REEP1: variants seen among roughly 807,000 people sequenced by gnomAD.
The protein encoded by REEP1 is receptor expression-enhancing protein 1.
REEP1 carries 22 observed loss-of-function variants against 40.3 expected under a neutral mutation model. That is an observed-to-expected ratio of 0.55 (90% CI 0.39 to 0.78). The LOEUF is 0.78. Among genes scored for constraint, REEP1 ranks in the 30% least tolerant of loss-of-function variants. The pLI, the probability that REEP1 is intolerant of heterozygous loss-of-function variation, is 0.00. For missense variants in REEP1, 280 were observed against 361.1 expected (o/e 0.78, Z 1.82); for synonymous variants, 116 against 139.2 (o/e 0.83, Z 1.17).
chr2:86,337,901 C>T (rs138818461), upstream of REEP1: 110 of 1,024,042 alleles, frequency 1.1e-4, 1 homozygote, highest in South Asian at 5.4e-4. The surrounding 1 kb of genome is among the most constrained non-coding windows in gnomAD (Gnocchi z 5.8). Context: ...GCTGCCCCAC[C>T]CTCAGCGTTC....
At chr2:86,332,228 G>A (rs1364214590) in intron 1 of REEP1, among the ~76,000 whole-genome samples, 1 of 151,930 alleles carries the variant, frequency 6.6e-6, no homozygotes, top group Non-Finnish European at 1.5e-5. Context: ...GCCCAGAATC[G>A]AGAGGAGAAC....
At chr2:86,293,961 G>A (rs565397086) in intron 1 of REEP1, among the ~76,000 whole-genome samples, 6 of 152,272 alleles carry the variant, frequency 3.9e-5, no homozygotes, top group South Asian at 2.1e-4. Context: ...GGAAGAAAAC[G>A]CTGACACTTG....
intron 7 of REEP1, among the ~76,000 whole-genome samples, chr2:86,224,679 C>T (rs975224743): frequency 6.6e-6 from 1 of 152,240 alleles, no homozygotes; most frequent in Non-Finnish European, 1.5e-5. Context: ...TCCAGCAACC[C>T]CCATCCCAGC....
intron 1 of REEP1, among the ~76,000 whole-genome samples, chr2:86,323,276 A>G (rs932647131): frequency 1.3e-5 from 2 of 152,258 alleles, no homozygotes; most frequent in African/African-American, 4.8e-5. Flanking sequence ...AATAAAAATG[A>G]CAACAGATTT....
chr2:86,284,759 C>G lies in REEP1; in HGVS notation c.33-2517G>C, dbSNP rs534132230. On this transcript the variant is annotated intron_variant, in intron 1 of 8. Transcript: ENST00000538924. The stretch of plus-strand genomic sequence containing the variant: ...ATGGGATCCCCGTGAACCCGTGGGT[C>G]GTGACACCCTCTGAATGGTCACAGA... 2.0e-5 allele frequency among the ~76,000 whole-genome samples: 3 copies of G among 152,066 alleles called. No homozygotes were observed. The East Asian group carries it at 5.8e-4, about 29-fold the overall frequency.
rs115408848 is a variant in REEP1, at chr2:86,331,912, A to G, written c.32+5567T>C. ...GCCTAACTCAGCTTCTTGCTCCTCA[A>G]GACAGTGTCCTAGGCAGCCTCACTT... On this transcript the variant is annotated intron_variant, in intron 1 of 8. Transcript: ENST00000538924. Among the ~76,000 whole-genome samples the G allele has an allele frequency of 8.1e-3, 1,234 of 152,210 alleles. 21 individuals carry two copies. Among genetic ancestry groups the G allele is most frequent in the African/African-American group, 0.029 (1,191 of 41,528 alleles).
At chr2:86,285,912 G>A (rs977379603) in intron 1 of REEP1, among the ~76,000 whole-genome samples, 2 of 152,200 alleles carry the variant, frequency 1.3e-5, no homozygotes, top group African/African-American at 4.8e-5. Context: ...GGCTCAAGCA[G>A]AGGGAAGATG....
intron 6 of REEP1, among the ~76,000 whole-genome samples, chr2:86,228,649 G>A (rs897399507): frequency 1.4e-4 from 21 of 152,170 alleles, no homozygotes; most frequent in East Asian, 5.8e-4. Flanking sequence ...GTAGAGACAG[G>A]GTTTCTCTGT....
intron 5 of REEP1, among the ~76,000 whole-genome samples, chr2:86,236,738 A>ATT (rs139892865): frequency 1.4e-4 from 20 of 145,880 alleles, no homozygotes; most frequent in African/African-American, 3.8e-4. Context: ...ATTTTCATCA[A>ATT]TTTTTTTTTT....
chr2:86,293,806 T>C (rs998783745), intron 1 of REEP1, among the ~76,000 whole-genome samples: 11 of 152,166 alleles, frequency 7.2e-5, no homozygotes, highest in Non-Finnish European at 1.5e-5. Flanking sequence ...ATCAGCCAAG[T>C]TAACAGAGTA....
intron 1 of REEP1, among the ~76,000 whole-genome samples, chr2:86,308,992 T>C (rs1679630811): frequency 6.6e-6 from 1 of 152,174 alleles, no homozygotes; most frequent in Non-Finnish European, 1.5e-5. Context: ...CCTCCTCCTC[T>C]GCTGACCCAC....
In REEP1 at chr2:86,284,490, G is replaced by A. The variant is rs755896004; in HGVS notation, c.33-2248C>T. 5.3e-5 allele frequency among the ~76,000 whole-genome samples: 8 copies of A among 152,300 alleles called. No homozygotes were observed. The East Asian group carries it at 7.7e-4, about 15-fold the overall frequency. On this transcript the variant is annotated intron_variant, in intron 1 of 8. Coordinates refer to ENST00000538924, the MANE Select transcript of REEP1 (RefSeq NM_001371279.1). ...CCAAAGCCAGCACCATCCAGGGAACGCTCGTGACCTTGGGACTGAGGTCTC... is the reference window on the plus strand; with the variant it reads ...CCAAAGCCAGCACCATCCAGGGAACACTCGTGACCTTGGGACTGAGGTCTC...
At position 86,232,743 on chromosome 2, in the gene REEP1, G is replaced by C; in HGVS notation, c.477C>G (p.Ile159Met). ...AGGGAGCAGGGGCGCCGTCTCCCCT[G>C]ATGGTGGTGAGGTCCTGCATGCTGA... ...RSFSMQDLTT[I>M]RGDGAPAPSG... Residue 159 changes from isoleucine to methionine, a missense_variant, in exon 6 of 9, where the codon ATC becomes ATG. This residue lies in a region of REEP1 where 201 missense variants were observed against 238.5 expected (regional missense o/e 0.84). Coordinates refer to ENST00000538924, the MANE Select transcript of REEP1 (RefSeq NM_001371279.1). 2.5e-6 allele frequency: 4 copies of C among 1,607,554 alleles called. No individual in the cohort carries two copies. The highest frequency in any genetic ancestry group is 3.4e-6 in the Non-Finnish European group (4 of 1,179,984).
At chr2:86,241,366 C>T (rs1198219202) in intron 5 of REEP1, among the ~76,000 whole-genome samples, 1 of 152,214 alleles carries the variant, frequency 6.6e-6, no homozygotes, top group African/African-American at 2.4e-5. Flanking sequence ...TCGAGCTTTA[C>T]AGAAACTGTG....
At chr2:86,246,516 T>C (rs1036926661) in intron 5 of REEP1, among the ~76,000 whole-genome samples, 3 of 152,168 alleles carry the variant, frequency 2.0e-5, no homozygotes, top group African/African-American at 7.2e-5. Flanking sequence ...TTTTTCGAGT[T>C]ATGAGACAAG....
intron 1 of REEP1, among the ~76,000 whole-genome samples, chr2:86,332,481 T>C (rs1256731857): frequency 9.0e-6 from 1 of 111,488 alleles, no homozygotes; most frequent in African/African-American, 3.9e-5. Context: ...ACACGTTCAC[T>C]CACATACACT....
chr2:86,245,299 C>T (rs191552649), intron 5 of REEP1, among the ~76,000 whole-genome samples: 1 of 152,298 alleles, frequency 6.6e-6, no homozygotes, highest in Non-Finnish European at 1.5e-5. Context: ...GGAGGAAAGC[C>T]TCCTAACTGC....
intron 3 of REEP1, among the ~76,000 whole-genome samples, chr2:86,259,489 GA>G (rs554806803): frequency 1.1e-4 from 17 of 151,502 alleles, no homozygotes; most frequent in Non-Finnish European, 2.2e-4. Flanking sequence ...GGGTTCAAGT[GA>G]TTCTCCTGCC....
chr2:86,284,333 G>A (rs1863060), intron 1 of REEP1, among the ~76,000 whole-genome samples: 54,910 of 120,472 alleles, frequency 0.46, 11,969 homozygotes, highest in East Asian at 0.65. Context: ...CTCAGGGTGC[G>A]TCTCTCCCAC....
Sources: allele counts gnomAD v4.1 joint callset (sites outside exome capture counted in the v4.1 genomes callset), GRCh38; gene constraint gnomAD v4.1.1; regional missense constraint gnomAD v4.1.1; non-coding constraint Gnocchi (gnomAD v3.1); transcripts MANE v1.5; gene names NCBI Gene and HGNC (gene_info 2026-07-23, HGNC 2026-07-21).